The following ALDH2 variants were observed in gnomAD, a reference collection of about 807,000 sequenced individuals.
ALDH2 encodes aldehyde dehydrogenase 2 family member.
Under a neutral mutation model 59.6 loss-of-function variants are expected in ALDH2, and 44 were observed. That is an observed-to-expected ratio of 0.74 (90% CI 0.58 to 0.95). The LOEUF is 0.95. ALDH2 is among the 40% of genes least tolerant of loss of function. ALDH2 has a pLI of 0.00. For missense variants in ALDH2, 570 were observed against 696.3 expected (o/e 0.82, Z 2.04); for synonymous variants, 291 against 284.0 (o/e 1.02, Z -0.25).
chr12:111,766,964 T>TGTCCGCTAGCC lies in ALDH2; in HGVS notation c.-18_-8dup. 6.6e-7 allele frequency: 1 copy of TGTCCGCTAGCC among 1,517,292 alleles called. No homozygotes were observed. The highest frequency in any genetic ancestry group is 8.8e-7 in the Non-Finnish European group (1 of 1,139,026). 94.0% of individuals were successfully genotyped at this position (1,517,292 alleles called of 1,614,324 possible). On this transcript the variant is annotated 5_prime_UTR_variant, in exon 1 of 13. Transcript: ENST00000261733. ...CTAGCTCTGCTCTCGGTCCGCTCGC[T>TGTCCGCTAGCC]GTCCGCTAGCCCGCTGCGATGTTGC...
At chr12:111,789,575 T>C (rs923443520) in intron 4 of ALDH2, among the ~76,000 whole-genome samples, 6 of 151,872 alleles carry the variant, frequency 4.0e-5, no homozygotes, top group African/African-American at 7.3e-5. Flanking sequence ...ATTGAGTAGA[T>C]TGGAAATGGA....
intron 4 of ALDH2, among the ~76,000 whole-genome samples, chr12:111,785,920 G>A (rs1378967595): frequency 2.0e-5 from 3 of 152,018 alleles, no homozygotes; most frequent in Non-Finnish European, 2.9e-5. Context: ...CCATTTTATC[G>A]AGGTTATCTA....
chr12:111,804,746 CA>C (rs76471972), intron 12 of ALDH2, among the ~76,000 whole-genome samples: 135 of 61,574 alleles, frequency 2.2e-3, no homozygotes, highest in Middle Eastern at 0.012. Flanking sequence ...GACTCCGTCT[CA>C]AAAAAAAAAA....
chr12:111,798,311 A>G, intron 10 of ALDH2, 69 bp downstream of exon 10: 1 of 1,477,278 alleles, frequency 6.8e-7, no homozygotes, highest in Non-Finnish European at 9.0e-7. Context: ...TCAGCCTGGC[A>G]TCCTGATGCT....
chr12:111,815,835 C>T lies in ALDH2; in HGVS notation c.*6260C>T, dbSNP rs1468443232. 6.7e-6 allele frequency: 1 copy of T among 149,000 alleles called. No individual in the cohort carries two copies. Among genetic ancestry groups the T allele is most frequent in the Non-Finnish European group, 1.5e-5 (1 of 67,720 alleles). 9.2% of individuals were successfully genotyped at this position (149,000 alleles called of 1,614,324 possible). ...AGAGATGGAGTCTTGCTATGTTGCT[C>T]AGGCTGGTCTCGAACTCCTGGCCTC... On this transcript the variant is annotated 3_prime_UTR_variant, in exon 13 of 13. Coordinates refer to ENST00000261733, the MANE Select transcript of ALDH2 (RefSeq NM_000690.4).
intron 1 of ALDH2, among the ~76,000 whole-genome samples, chr12:111,777,233 G>C (rs2068240288): frequency 6.6e-6 from 1 of 152,104 alleles, no homozygotes; most frequent in Non-Finnish European, 1.5e-5. Flanking sequence ...CTGTGAAGTG[G>C]AGAGGATGAA....
chr12:111,783,348 C>A, intron 3 of ALDH2, 50 bp downstream of exon 3: 1 of 1,556,172 alleles, frequency 6.4e-7, no homozygotes, highest in Admixed American at 1.9e-5. Flanking sequence ...TGAATAGGCT[C>A]GCAGCATCCT....
chr12:111,786,706 TG>T (rs2068312463), intron 4 of ALDH2, among the ~76,000 whole-genome samples: 1 of 152,000 alleles, frequency 6.6e-6, no homozygotes, highest in Non-Finnish European at 1.5e-5. Context: ...TCACCATGCC[TG>T]GATACTTTTT....
intron 3 of ALDH2, among the ~76,000 whole-genome samples, chr12:111,783,546 G>T (rs2068288970): frequency 6.6e-6 from 1 of 152,114 alleles, no homozygotes; most frequent in South Asian, 2.1e-4. Context: ...GTCTCACTCT[G>T]TCGCCTAGGC....
intron 2 of ALDH2, among the ~76,000 whole-genome samples, chr12:111,782,633 C>T (rs926265404): frequency 2.6e-5 from 4 of 152,074 alleles, no homozygotes; most frequent in East Asian, 1.9e-4. Context: ...GCCTGTAATC[C>T]CAGCACTTTG....
At chr12:111,788,949 G>T (rs987863467) in intron 4 of ALDH2, among the ~76,000 whole-genome samples, 25 of 152,016 alleles carry the variant, frequency 1.6e-4, no homozygotes, top group Admixed American at 1.6e-3. Context: ...AGGCTACAGT[G>T]AGTTATGATT....
rs148940693 is a variant in ALDH2, at chr12:111,811,947, C to A, written c.*2372C>A. On this transcript the variant is annotated 3_prime_UTR_variant, in exon 13 of 13. Transcript: ENST00000261733. Reference sequence around the variant, plus strand: ...TAGAGGCCCCGAATGTCTGGCTGCACTGTTATTTATTGGATACAAAGCAAA... The same window carrying A: ...TAGAGGCCCCGAATGTCTGGCTGCAATGTTATTTATTGGATACAAAGCAAA... The A allele has an allele frequency of 2.9e-3, 535 of 182,472 alleles. 6 individuals carry two copies. Among genetic ancestry groups the A allele is most frequent in the Middle Eastern group, 0.016 (6 of 386 alleles). The allele number at this position is 182,472 out of a possible 1,614,324, so 11.3% of individuals were successfully genotyped here.
chr12:111,794,575 T>C (rs1418575397), intron 9 of ALDH2, among the ~76,000 whole-genome samples: 1 of 152,126 alleles, frequency 6.6e-6, no homozygotes, highest in Non-Finnish European at 1.5e-5. Context: ...GGTGTGATCA[T>C]GGCTCACTGC....
intron 7 of ALDH2, 70 bp from the exon 8 acceptor site, chr12:111,791,991 T>C (rs555930050): frequency 1.1e-4 from 100 of 950,522 alleles, no homozygotes; most frequent in Non-Finnish European, 1.6e-4. Flanking sequence ...GACTCTGTTC[T>C]GTGTCTATAG....
chr12:111,782,878 C>T (rs533061615), intron 2 of ALDH2, among the ~76,000 whole-genome samples: 6 of 150,464 alleles, frequency 4.0e-5, no homozygotes, highest in East Asian at 3.9e-4. Context: ...AGCGAGATTT[C>T]GTCTCAAAAA....
intron 9 of ALDH2, among the ~76,000 whole-genome samples, chr12:111,797,201 G>A (rs977922204): frequency 6.6e-6 from 1 of 152,210 alleles, no homozygotes; most frequent in East Asian, 1.9e-4. Flanking sequence ...CCAAAGTGCC[G>A]AGATTACAGG....
intron 11 of ALDH2, among the ~76,000 whole-genome samples, chr12:111,801,150 G>A (rs1446695380): frequency 2.6e-5 from 4 of 152,330 alleles, no homozygotes; most frequent in Admixed American, 1.3e-4. Flanking sequence ...CATGTCTCAC[G>A]TGGTGGCAGA....
Position 111,790,517 on chromosome 12 carries a change from G to A in ALDH2, c.636G>A (p.Glu212=), listed in dbSNP as rs2068349453. The change falls in exon 6 of 13, where the codon GAG becomes GAA. Residue 212 remains glutamate (E), a synonymous_variant. Transcript: ENST00000261733. ...ACGTGGTTGTGATGAAGGTAGCTGA[G>A]CAGACACCCCTCACCGCCCTCTATG... ...TGNVVVMKVA[E]QTPLTALYVA... 2 of 1,614,194 alleles carry A rather than the reference G, an allele frequency of 1.2e-6. No individual in the cohort carries two copies. Among genetic ancestry groups the A allele is most frequent in the Non-Finnish European group, 1.7e-6 (2 of 1,180,032 alleles).
chr12:111,806,236 G>GC (rs2068493032), intron 12 of ALDH2, among the ~76,000 whole-genome samples: 3 of 151,182 alleles, frequency 2.0e-5, no homozygotes, highest in African/African-American at 7.3e-5. Flanking sequence ...AGAATGGCGT[G>GC]AACCCAGTGG....
Sources: allele counts gnomAD v4.1 joint callset (sites outside exome capture counted in the v4.1 genomes callset), GRCh38; gene constraint gnomAD v4.1.1; transcripts MANE v1.5; gene names NCBI Gene and HGNC (gene_info 2026-07-23, HGNC 2026-07-21).